Variants in LARP1B observed in about 807,000 individuals in gnomAD.
LARP1B encodes the protein la-related protein 1B.
LARP1B carries 76 observed loss-of-function variants against 114.2 expected under a neutral mutation model. The ratio of observed to expected loss-of-function variants is 0.67; its 90% CI spans 0.55 to 0.81. The LOEUF (loss-of-function observed/expected upper bound fraction) is 0.81. Among genes scored for constraint, LARP1B ranks in the 30% least tolerant of loss-of-function variants. The pLI, the probability that LARP1B is intolerant of heterozygous loss-of-function variation, is 0.00. For missense variants in LARP1B, 1,014 were observed against 1,075.8 expected (o/e 0.94, Z 0.80); for synonymous variants, 345 against 348.0 (o/e 0.99, Z 0.10).
intron 5 of LARP1B, among the ~76,000 whole-genome samples, chr4:128,087,036 C>T (rs1773876882): frequency 1.3e-5 from 2 of 152,092 alleles, no homozygotes; most frequent in Admixed American, 6.6e-5. Context: ...TCTCCTGCCT[C>T]AGCCTCCCGA....
chr4:128,212,627 C>T (rs7667689), downstream of LARP1B, among the ~76,000 whole-genome samples: 92,376 of 151,830 alleles, frequency 0.61, 30,055 homozygotes, highest in Middle Eastern at 0.8. Flanking sequence ...CCAGCCTGGG[C>T]GACAGAGTGA....
intron 11 of LARP1B, chr4:128,155,892 C>G: frequency 6.5e-7 from 1 of 1,547,918 alleles, no homozygotes; most frequent in Non-Finnish European, 8.9e-7. Flanking sequence ...TGGAAGCCCA[C>G]TGACCCATCT....
intron 1 of LARP1B, 187 bp downstream of exon 1, chr4:128,061,588 T>C (rs1760127810): frequency 1.5e-6 from 1 of 679,290 alleles, no homozygotes; most frequent in Non-Finnish European, 1.8e-6. Context: ...GGCTCTCGGG[T>C]TGTCTGTCCC....
intron 11 of LARP1B, among the ~76,000 whole-genome samples, chr4:128,137,792 T>TA (rs1491094237): frequency 0.13 from 6,252 of 47,058 alleles, 377 homozygotes; most frequent in African/African-American, 0.28. Flanking sequence ...TATATATATA[T>TA]TTTTTTTTTA....
chr4:128,088,803 A>G (rs1313456309), intron 5 of LARP1B, among the ~76,000 whole-genome samples: 1 of 152,162 alleles, frequency 6.6e-6, no homozygotes, highest in Non-Finnish European at 1.5e-5. Flanking sequence ...ATTAAGGCAG[A>G]AATGTTTGAA....
chr4:128,106,819 G>A (rs1015936548), intron 8 of LARP1B, among the ~76,000 whole-genome samples: 1 of 151,980 alleles, frequency 6.6e-6, no homozygotes, highest in African/African-American at 2.4e-5. Context: ...ATATTTTAAT[G>A]GAAGACAAGG....
At chr4:128,063,041 AGAG>A (rs1008344867) in intron 1 of LARP1B, among the ~76,000 whole-genome samples, 4 of 152,200 alleles carry the variant, frequency 2.6e-5, no homozygotes, top group African/African-American at 9.7e-5. Flanking sequence ...CCTTCCCTTT[AGAG>A]GAGATAAGAT....
At chr4:128,118,515 C>T (rs1182556044) in intron 10 of LARP1B, among the ~76,000 whole-genome samples, 9 of 151,914 alleles carry the variant, frequency 5.9e-5, no homozygotes, top group Middle Eastern at 3.2e-3. Flanking sequence ...GGATTACAGG[C>T]GTGAGTCACC....
chr4:128,174,815 C>G (rs28625259), intron 12 of LARP1B, among the ~76,000 whole-genome samples: 1 of 151,716 alleles, frequency 6.6e-6, no homozygotes, highest in Non-Finnish European at 1.5e-5. Context: ...TGAGGACTTA[C>G]GAAACAAGTA....
chr4:128,179,367 A>T, intron 14 of LARP1B, 39 bp from the exon 15 acceptor site: 1 of 1,329,460 alleles, frequency 7.5e-7, no homozygotes, highest in Non-Finnish European at 1.1e-6. Context: ...AGTTCACACT[A>T]TTGAAACTAA....
intron 7 of LARP1B, among the ~76,000 whole-genome samples, chr4:128,096,239 C>G (rs899924215): frequency 1.3e-5 from 2 of 152,076 alleles, no homozygotes; most frequent in East Asian, 1.9e-4. Flanking sequence ...GTGATCCGCC[C>G]GCCTCGGCCT....
chr4:128,115,022 C>A (rs1210999618), intron 10 of LARP1B, among the ~76,000 whole-genome samples: 1 of 151,918 alleles, frequency 6.6e-6, no homozygotes, highest in Non-Finnish European at 1.5e-5. Flanking sequence ...ACTGCCACCT[C>A]TGCCTCCCAG....
At chr4:128,213,490 CT>C (rs1759256665), downstream of LARP1B, among the ~76,000 whole-genome samples, 1 of 152,024 alleles carries the variant, frequency 6.6e-6, no homozygotes, top group South Asian at 2.1e-4. Context: ...ATGGTATGTA[CT>C]TTTTTTGGGT....
At chr4:128,167,004 A>G (rs1741329704) in intron 12 of LARP1B, among the ~76,000 whole-genome samples, 1 of 148,240 alleles carries the variant, frequency 6.7e-6, no homozygotes, top group African/African-American at 2.5e-5. Context: ...ACACACACAC[A>G]TATATATACA....
chr4:128,153,525 C>T (rs1034489228), intron 11 of LARP1B, among the ~76,000 whole-genome samples: 1 of 152,078 alleles, frequency 6.6e-6, no homozygotes, highest in East Asian at 1.9e-4. Context: ...AGGCTGGCCT[C>T]GAATTCCTGA....
At chr4:128,075,192 G>T (rs554600686) in intron 3 of LARP1B, among the ~76,000 whole-genome samples, 199 bp downstream of exon 3, 2 of 151,096 alleles carry the variant, frequency 1.3e-5, no homozygotes, top group East Asian at 2.0e-4. Flanking sequence ...GCCTCAAACT[G>T]CTAGGCTCAG....
intron 12 of LARP1B, among the ~76,000 whole-genome samples, chr4:128,166,821 A>G (rs1180714871): frequency 1.3e-5 from 2 of 149,080 alleles, no homozygotes; most frequent in African/African-American, 4.9e-5. Context: ...ATTATGAAGT[A>G]TTTTTCTTTC....
Position 128,122,121 on chromosome 4 carries a change from A to G in LARP1B, c.1457A>G (p.Asp486Gly). The G allele has an allele frequency of 6.2e-7, 1 of 1,614,110 alleles. No homozygotes were observed. Among genetic ancestry groups the G allele is most frequent in the Non-Finnish European group, 8.5e-7 (1 of 1,179,988 alleles). Residue 486 changes from aspartate (D) to glycine (G), a missense_variant, in exon 11 of 20, where the codon GAT becomes GGT. Physicochemically the swap from Asp to Gly is moderately conservative, Grantham distance 94. Transcript: ENST00000326639. ...ITSELAKVIN[D>G]GLYYYEQDLW... Reference sequence around the variant, plus strand: ...TCTGAACTTGCTAAAGTTATCAATGATGGCTTATACTATTATGAACAGGAT... The same window carrying G: ...TCTGAACTTGCTAAAGTTATCAATGGTGGCTTATACTATTATGAACAGGAT...
chr4:128,182,406 A>G (rs565029454), intron 15 of LARP1B, among the ~76,000 whole-genome samples: 90 of 152,218 alleles, frequency 5.9e-4, no homozygotes, highest in Middle Eastern at 3.4e-3. Flanking sequence ...CACCATGCCC[A>G]GCTACTATTT....
Sources: gnomAD v4.1 joint callset for allele counts (sites outside exome capture counted in the v4.1 genomes callset) on GRCh38, gnomAD v4.1.1 for gene constraint, MANE v1.5 for transcripts, NCBI Gene and HGNC (gene_info 2026-07-23, HGNC 2026-07-21) for gene names.